Variants in CTSC observed in about 807,000 individuals in gnomAD.
The protein encoded by CTSC is dipeptidyl peptidase 1.
Under a neutral mutation model 40.9 loss-of-function variants are expected in CTSC, and 37 were observed. That is an observed-to-expected ratio of 0.91 (90% CI 0.70 to 1.19). The LOEUF (loss-of-function observed/expected upper bound fraction) is 1.19, where lower values mean the gene tolerates loss of function less well. Among genes scored for constraint, CTSC ranks in the 50% most tolerant of loss-of-function variants. The pLI, the probability that CTSC is intolerant of heterozygous loss-of-function variation, is 0.00. For missense variants in CTSC, 594 were observed against 567.3 expected, an observed-to-expected ratio of 1.05 and a Z score of -0.48; for synonymous variants, 232 against 207.4, an observed-to-expected ratio of 1.12 and a Z score of -1.02.
intron 2 of CTSC, chr11:88,334,708 C>A (rs1428747973): frequency 2.0e-5 from 9 of 455,354 alleles, no homozygotes; most frequent in South Asian, 3.2e-5. Context: ...AAATTTTAAA[C>A]ATAATTTATA....
At chr11:88,310,424 A>C (rs868303457) in intron 3 of CTSC, among the ~76,000 whole-genome samples, 3 of 151,978 alleles carry the variant, frequency 2.0e-5, no homozygotes, top group African/African-American at 7.2e-5. Flanking sequence ...CTATTAAAAA[A>C]GAGTCTGTGG....
intron 2 of CTSC, chr11:88,324,319 A>C (rs1458019682): frequency 2.2e-6 from 2 of 926,302 alleles, no homozygotes; most frequent in Admixed American, 6.2e-5. Context: ...AAAATCTAGG[A>C]ATGCCATTGA....
intron 2 of CTSC, among the ~76,000 whole-genome samples, chr11:88,312,899 T>C (rs1937795093): frequency 1.3e-5 from 2 of 152,152 alleles, no homozygotes; most frequent in Admixed American, 1.3e-4. Context: ...ACTATGAGGA[T>C]GCAGATGATA....
intron 2 of CTSC, among the ~76,000 whole-genome samples, chr11:88,316,183 T>G (rs1937873187): frequency 6.6e-6 from 1 of 151,950 alleles, no homozygotes; most frequent in Non-Finnish European, 1.5e-5. Context: ...CTGCCTAGGG[T>G]TTTTGACGCA....
At chr11:88,320,790 C>A in intron 2 of CTSC, 4 of 956,346 alleles carry the variant, frequency 4.2e-6, no homozygotes, top group Non-Finnish European at 5.0e-6. Context: ...AAGAACACAT[C>A]AATAAAACAA....
At chr11:88,318,484 C>G (rs1002083674) in intron 2 of CTSC, among the ~76,000 whole-genome samples, 1 of 152,224 alleles carries the variant, frequency 6.6e-6, no homozygotes, top group Non-Finnish European at 1.5e-5. Context: ...TCCATGCCTT[C>G]ATAGAACTTA....
intron 4 of CTSC, among the ~76,000 whole-genome samples, chr11:88,302,451 G>A (rs1441414164): frequency 8.6e-5 from 13 of 151,946 alleles, no homozygotes; most frequent in African/African-American, 2.2e-4. Flanking sequence ...GTGAAACCCC[G>A]TCCCTACTAA....
At chr11:88,337,394 C>T (rs1591249475) in intron 1 of CTSC, 107 bp downstream of exon 1, 5 of 1,161,342 alleles carry the variant, frequency 4.3e-6, no homozygotes, top group African/African-American at 1.5e-5. Context: ...GATGCTCTGG[C>T]CACCCACAAG....
intron 5 of CTSC, chr11:88,296,894 T>A (rs1555026148): frequency 6.4e-6 from 1 of 156,252 alleles, no homozygotes; most frequent in Non-Finnish European, 1.4e-5. Flanking sequence ...CCTAAAATTC[T>A]CCCCCTAAAA....
At position 88,325,812 on chromosome 11, in the gene CTSC, T is replaced by C. The variant is rs993695699; in HGVS notation, c.318+9125A>G. 3.0e-6 allele frequency: 3 copies of C among 985,742 alleles called. No individual in the cohort carries two copies. The African/African-American group carries it at 5.2e-5, about 17-fold the overall frequency. 61.1% of individuals were successfully genotyped at this position (985,742 alleles called of 1,614,324 possible). On this transcript the variant is annotated intron_variant, in intron 2 of 6. Coordinates refer to ENST00000227266, the MANE Select transcript of CTSC (RefSeq NM_001814.6). ...TCTGACATATCTGAGAAAGCCTCTT[T>C]TTTCCCTTCTTTAAATATGTCCTCC...
intron 1 of CTSC, among the ~76,000 whole-genome samples, chr11:88,336,723 G>A (rs888702500): frequency 5.9e-5 from 9 of 152,080 alleles, no homozygotes; most frequent in African/African-American, 2.2e-4. Flanking sequence ...ACCACAGTGT[G>A]ACTCTTCTAA....
At chr11:88,309,455 T>C in intron 3 of CTSC, 137 bp from the exon 4 acceptor site, 2 of 774,972 alleles carry the variant, frequency 2.6e-6, no homozygotes, top group Non-Finnish European at 4.5e-6. Context: ...TATGTATCAA[T>C]AGCCTAGAAC....
intron 2 of CTSC, among the ~76,000 whole-genome samples, chr11:88,320,557 T>C (rs1937979195): frequency 6.6e-6 from 1 of 152,242 alleles, no homozygotes; most frequent in African/African-American, 2.4e-5. Flanking sequence ...ACACTCAGGA[T>C]TTCCCTTGAT....
rs141939020 is a variant in CTSC at position 88,336,077 on chromosome 11, A to G, written c.173-995T>C. ...GAATTAAGGCCAAAGGTAATTTTAT[A>G]GGCAGAGCCTTCCTGAAAATGATTC... is the stretch of plus-strand genomic sequence containing the variant. On this transcript the variant is annotated intron_variant, in intron 1 of 6. Transcript: ENST00000227266. Among the ~76,000 whole-genome samples the G allele has an allele frequency of 2.7e-4, 41 of 152,224 alleles. 1 individual carries two copies. In the East Asian group the frequency reaches 7.7e-3, roughly 29 times the overall value.
intron 2 of CTSC, among the ~76,000 whole-genome samples, chr11:88,333,685 G>T (rs991628893): frequency 7.0e-5 from 10 of 143,520 alleles, no homozygotes; most frequent in South Asian, 2.6e-4. Context: ...AGATACTATT[G>T]TAAGTATGTT....
At chr11:88,306,898 C>T (rs533907884) in intron 4 of CTSC, among the ~76,000 whole-genome samples, 1 of 152,304 alleles carries the variant, frequency 6.6e-6, no homozygotes, top group South Asian at 2.1e-4. Context: ...CTCCAACATC[C>T]ACTCCTAGAC....
intron 2 of CTSC, among the ~76,000 whole-genome samples, chr11:88,333,710 T>C (rs963602619): frequency 6.6e-6 from 1 of 151,754 alleles, no homozygotes; most frequent in African/African-American, 2.4e-5. Flanking sequence ...ACAAAAAAAA[T>C]GCGTAGCATC....
chr11:88,334,721 T>C (rs1186223727), intron 2 of CTSC: 17 of 526,690 alleles, frequency 3.2e-5, no homozygotes, highest in South Asian at 3.0e-4. Context: ...AATTTATACA[T>C]ATTCAAATGT....
intron 5 of CTSC, chr11:88,296,539 G>A: frequency 2.6e-6 from 1 of 388,060 alleles, no homozygotes; most frequent in South Asian, 2.2e-5. Flanking sequence ...TAATTTCTGA[G>A]AAGCTTTTGG....
Sources: allele counts gnomAD v4.1 joint callset (sites outside exome capture counted in the v4.1 genomes callset), GRCh38; gene constraint gnomAD v4.1.1; transcripts MANE v1.5; gene names NCBI Gene and HGNC (gene_info 2026-07-23, HGNC 2026-07-21).